CDC16: variants seen among roughly 807,000 people sequenced by gnomAD.
CDC16 encodes the protein cell division cycle protein 16 homolog.
In CDC16, 34 loss-of-function variants were observed where a neutral mutation model predicts 87.0. That is an observed-to-expected ratio of 0.39 (90% CI 0.30 to 0.52). The LOEUF is 0.52. CDC16 is among the 20% of genes least tolerant of loss of function. The pLI is 0.74. For missense variants in CDC16, 653 were observed against 751.9 expected (o/e 0.87, Z 1.54); for synonymous variants, 263 against 260.6 (o/e 1.01, Z -0.09).
intron 12 of CDC16, among the ~76,000 whole-genome samples, chr13:114,254,199 C>G (rs891498538): frequency 6.6e-6 from 1 of 152,010 alleles, no homozygotes; most frequent in African/African-American, 2.4e-5. Flanking sequence ...AAGCATGTCT[C>G]TTGTTGACAA....
chr13:114,237,518 C>T (rs946787551), intron 3 of CDC16, among the ~76,000 whole-genome samples: 1 of 152,082 alleles, frequency 6.6e-6, no homozygotes, highest in African/African-American at 2.4e-5. Flanking sequence ...TCTTGAACTC[C>T]TGGTCTCAAG....
chr13:114,242,448 G>C, intron 6 of CDC16, 168 bp downstream of exon 6: 1 of 631,952 alleles, frequency 1.6e-6, no homozygotes, highest in Non-Finnish European at 2.7e-6. Context: ...ATGCAGTATT[G>C]TACGGTGCCT....
At chr13:114,271,226 T>G (rs938662828) in intron 17 of CDC16, among the ~76,000 whole-genome samples, 1 of 151,970 alleles carries the variant, frequency 6.6e-6, no homozygotes, top group Non-Finnish European at 1.5e-5. Context: ...CGGCCAAGAT[T>G]TACCATTCAT....
In CDC16 at chr13:114,259,489, C is replaced by T. The variant is rs186301568; in HGVS notation, c.1314+91C>T. On this transcript the variant is annotated intron_variant, in intron 14 of 17. Transcript: ENST00000356221. The stretch of plus-strand genomic sequence containing the variant: ...AAACAACACAGAAATCTCTTGCCTT[C>T]GAAGATAGTAACCTGATATTTTCAT... 22 of 673,830 alleles carry T rather than the reference C, an allele frequency of 3.3e-5. No individual in the cohort carries two copies. In the Admixed American group the frequency reaches 5.9e-4, roughly 18 times the overall value. The allele number at this position is 673,830 out of a possible 1,614,324, so 41.7% of individuals were successfully genotyped here. A position where few individuals can be genotyped will look rare whatever the true frequency, so the allele number is the denominator to read the frequency against.
chr13:114,247,948 TTCTC>T (rs17338024), intron 11 of CDC16, among the ~76,000 whole-genome samples: 46,385 of 149,272 alleles, frequency 0.31, 9,007 homozygotes, highest in African/African-American at 0.56. Flanking sequence ...GTTTGAAAGT[TTCTC>T]TCTTTCGCTT....
At chr13:114,267,327 AAAAAC>A (rs1376014621) in intron 17 of CDC16, among the ~76,000 whole-genome samples, 7 of 144,536 alleles carry the variant, frequency 4.8e-5, no homozygotes, top group Admixed American at 4.0e-4. Flanking sequence ...GCCCCTACTA[AAAAAC>A]AAAACAATAC....
chr13:114,271,615 C>T (rs1227168743), intron 17 of CDC16, among the ~76,000 whole-genome samples: 1 of 151,998 alleles, frequency 6.6e-6, no homozygotes, highest in African/African-American at 2.4e-5. Context: ...GCTGGGACTA[C>T]AGGCACCCGC....
chr13:114,261,948 A>G lies in CDC16; in HGVS notation c.1376A>G (p.Lys459Arg). ...TTGGGGCATGTCTGCAGAAAACTTA[A>G]GTAAGTGAAGTAGAGCATTTTCAGA... ...NNLGHVCRKL[K>R]KYAEALDYHR... The change falls in exon 15 of 18, where the codon AAA becomes AGA. Residue 459 changes from lysine to arginine, a missense_variant and splice_region_variant. By Grantham distance (26) the Lys-to-Arg change is conservative. Coordinates refer to ENST00000356221, the MANE Select transcript of CDC16 (RefSeq NM_001078645.3). 1 of 1,582,906 alleles carries G rather than the reference A, an allele frequency of 6.3e-7. No homozygotes were observed. The highest frequency in any genetic ancestry group is 8.6e-7 in the Non-Finnish European group (1 of 1,158,820).
rs1266744793 is a variant in CDC16 at position 114,239,429 on chromosome 13, A to G, written c.320A>G (p.Tyr107Cys). Residue 107 changes from tyrosine (Y) to cysteine (C), a missense_variant, in exon 5 of 18, where the codon TAC becomes TGC. Coordinates refer to ENST00000356221, the MANE Select transcript of CDC16 (RefSeq NM_001078645.3). ...EPINKRLFEK[Y>C]LKDESGFKDP... Reference sequence around the variant, plus strand: ...ATCAATAAAAGATTATTTGAAAAATACTTGAAGGACGAAAGTGGCTTCAAA... The same window carrying G: ...ATCAATAAAAGATTATTTGAAAAATGCTTGAAGGACGAAAGTGGCTTCAAA... 1 of 1,613,368 alleles carries G rather than the reference A, an allele frequency of 6.2e-7. No individual in the cohort carries two copies. Among genetic ancestry groups the G allele is most frequent in the Non-Finnish European group, 8.5e-7 (1 of 1,179,478 alleles).
intron 17 of CDC16, among the ~76,000 whole-genome samples, chr13:114,270,924 T>C (rs1047869579): frequency 2.4e-4 from 34 of 143,632 alleles, no homozygotes; most frequent in African/African-American, 7.5e-4. Flanking sequence ...CTTTTTTTTT[T>C]TTTTTTTTTT....
At chr13:114,239,085 C>G (rs1288206974) in intron 4 of CDC16, 57 bp downstream of exon 4, 1 of 908,492 alleles carries the variant, frequency 1.1e-6, no homozygotes, top group Non-Finnish European at 1.5e-6. Flanking sequence ...TGTTATGCAT[C>G]TCTTAAATAT....
chr13:114,236,597 A>C (rs772628031), intron 1 of CDC16, 48 bp from the exon 2 acceptor site: 1 of 1,552,642 alleles, frequency 6.4e-7, no homozygotes, highest in Admixed American at 1.8e-5. Flanking sequence ...GTTTAAGACT[A>C]TTAAAATAAC....
At chr13:114,241,257 T>C (rs2081537161) in intron 5 of CDC16, among the ~76,000 whole-genome samples, 1 of 152,200 alleles carries the variant, frequency 6.6e-6, no homozygotes, top group South Asian at 2.1e-4. Flanking sequence ...ATAAGTTAGA[T>C]AGTGTTTTTA....
At chr13:114,243,041 G>GC (rs1197552232) in intron 6 of CDC16, among the ~76,000 whole-genome samples, 1 of 152,128 alleles carries the variant, frequency 6.6e-6, no homozygotes, top group Non-Finnish European at 1.5e-5. Context: ...CTGGGGACCT[G>GC]CCTCAGCCCT....
intron 15 of CDC16, among the ~76,000 whole-genome samples, chr13:114,262,327 A>G (rs1290644381): frequency 1.3e-5 from 2 of 152,228 alleles, no homozygotes; most frequent in East Asian, 1.9e-4. Context: ...AGGTTATTCA[A>G]GATTTAACAA....
At position 114,236,528 on chromosome 13, in the gene CDC16, A is replaced by G. The variant is rs1052964752; in HGVS notation, c.49-117A>G. Reference sequence around the variant, plus strand: ...AACAAATTGTTGTCTTGAGATGAAGATTTATTACATAGAATTATATTAATA... The same window carrying G: ...AACAAATTGTTGTCTTGAGATGAAGGTTTATTACATAGAATTATATTAATA... On this transcript the variant is annotated intron_variant, in intron 1 of 17. Coordinates refer to ENST00000356221, the MANE Select transcript of CDC16 (RefSeq NM_001078645.3). 3.3e-5 allele frequency: 29 copies of G among 883,334 alleles called. No individual in the cohort carries two copies. In the African/African-American group the frequency reaches 4.4e-4, roughly 13 times the overall value. 54.7% of individuals were successfully genotyped at this position (883,334 alleles called of 1,614,324 possible). A position where few individuals can be genotyped will look rare whatever the true frequency, so the allele number is the denominator to read the frequency against.
chr13:114,240,337 GTAGCTGGGA>G, intron 5 of CDC16, among the ~76,000 whole-genome samples: 1 of 152,098 alleles, frequency 6.6e-6, no homozygotes, highest in African/African-American at 2.4e-5. Flanking sequence ...AGCCTCCCGA[GTAGCTGGGA>G]CTACAGGCGC....
intron 12 of CDC16, among the ~76,000 whole-genome samples, chr13:114,252,083 G>A (rs554857315): frequency 2.1e-3 from 307 of 149,684 alleles, no homozygotes; most frequent in Non-Finnish European, 3.9e-3. Context: ...CCTTACACTA[G>A]CCCTGTTGGA....
At chr13:114,252,447 C>T (rs1485238769) in intron 12 of CDC16, among the ~76,000 whole-genome samples, 2 of 152,176 alleles carry the variant, frequency 1.3e-5, no homozygotes, top group Admixed American at 6.5e-5. Flanking sequence ...GTCCATAGCA[C>T]TAATATATTA....
Sources: gnomAD v4.1 joint callset for allele counts (sites outside exome capture counted in the v4.1 genomes callset) on GRCh38, gnomAD v4.1.1 for gene constraint, MANE v1.5 for transcripts, NCBI Gene and HGNC (gene_info 2026-07-23, HGNC 2026-07-21) for gene names.